NFATC1: variants seen among roughly 807,000 people sequenced by gnomAD.
NFATC1 encodes nuclear factor of activated T cells 1.
NFATC1 carries 22 observed loss-of-function variants against 76.0 expected under a neutral mutation model. The observed-to-expected ratio is 0.29, with a 90% CI of 0.21 to 0.41. The LOEUF (loss-of-function observed/expected upper bound fraction) is 0.41. Among genes scored for constraint, NFATC1 ranks in the 10% least tolerant of loss-of-function variants. NFATC1 has a pLI of 1.00. For missense variants in NFATC1, 1,357 were observed against 1,337.7 expected, an observed-to-expected ratio of 1.01 and a Z score of -0.23; for synonymous variants, 704 against 613.1, an observed-to-expected ratio of 1.15 and a Z score of -2.19.
intron 7 of NFATC1, among the ~76,000 whole-genome samples, chr18:79,466,831 T>C (rs749073831): frequency 1.3e-5 from 2 of 152,158 alleles, no homozygotes; most frequent in Non-Finnish European, 2.9e-5. Flanking sequence ...CACCTGCTCC[T>C]CTGGGTTTCG....
At chr18:79,437,659 G>A (rs2086829238) in intron 3 of NFATC1, among the ~76,000 whole-genome samples, 1 of 152,206 alleles carries the variant, frequency 6.6e-6, no homozygotes, top group Non-Finnish European at 1.5e-5. Context: ...CCTGATGGTG[G>A]CACCTCGGGC....
intron 5 of NFATC1, 64 bp downstream of exon 5, chr18:79,451,190 C>T (rs1208766194): frequency 2.6e-6 from 4 of 1,535,862 alleles, no homozygotes; most frequent in South Asian, 1.2e-5. Flanking sequence ...TTCACTGTCT[C>T]ACCCGCTCTC....
Position 79,396,169 on chromosome 18 carries a change from C to A in NFATC1, c.-56C>A, listed in dbSNP as rs2084995615. 2.2e-6 allele frequency: 3 copies of A among 1,395,052 alleles called. No individual in the cohort carries two copies. The South Asian group carries it at 4.2e-5, about 20-fold the overall frequency. The allele number at this position is 1,395,052 out of a possible 1,614,324, so 86.4% of individuals were successfully genotyped here. The stretch of plus-strand genomic sequence containing the variant: ...GAGACCCGACCCCGGCAGCGCGGGG[C>A]GGCCGCTTCTCCTGTGCCTCCGCCC... On this transcript the variant is annotated 5_prime_UTR_variant, in exon 1 of 10. Coordinates refer to ENST00000427363, the MANE Select transcript of NFATC1 (RefSeq NM_001278669.2).
intron 8 of NFATC1, chr18:79,470,787 G>C (rs1047337410): frequency 6.6e-6 from 1 of 152,324 alleles, no homozygotes; most frequent in Non-Finnish European, 1.5e-5. Flanking sequence ...TCAGAAGGTC[G>C]CAGTGGTCGG....
intron 1 of NFATC1, among the ~76,000 whole-genome samples, chr18:79,406,025 T>C (rs1043888842): frequency 2.0e-5 from 3 of 152,112 alleles, no homozygotes; most frequent in African/African-American, 4.8e-5. Flanking sequence ...TCCTGCCCCG[T>C]TTCATCTAGA....
Position 79,486,834 on chromosome 18 carries a change from G to A in NFATC1, c.2679G>A (p.Arg893=). The change falls in exon 9 of 10, where the codon CGG becomes CGA. Residue 893 remains arginine (R), a synonymous_variant. Coordinates refer to ENST00000427363, the MANE Select transcript of NFATC1 (RefSeq NM_001278669.2). The part of the protein sequence containing the change: ...RRDESPTAGP[R]LLPEVHEDGS... ...ACGAGTCTCCGACTGCCGGGCCACG[G>A]CTGCTGCCAGAGGTGCATGAGGACG... The A allele has an allele frequency of 6.2e-7, 1 of 1,611,912 alleles. No homozygotes were observed. The highest frequency in any genetic ancestry group is 8.5e-7 in the Non-Finnish European group (1 of 1,179,538).
rs1331923167 is a variant in NFATC1 at position 79,482,218 on chromosome 18, G to A, written c.2093-4030G>A. Among the ~76,000 whole-genome samples the A allele has an allele frequency of 2.1e-5, 3 of 144,736 alleles. No homozygotes were observed. In the East Asian group the frequency reaches 6.4e-4, roughly 31 times the overall value. The allele number at this position is 144,736 out of a possible 152,430, so 95.0% of individuals were successfully genotyped here. ...ACCTGGTTCCTGGGGTGTAATTCCA[G>A]CGTGACCTGCTCCTGAGGTGTCACT... is the stretch of plus-strand genomic sequence containing the variant. On this transcript the variant is annotated intron_variant, in intron 8 of 9. Transcript: ENST00000427363.
intron 2 of NFATC1, among the ~76,000 whole-genome samples, chr18:79,431,396 G>A (rs957504927): frequency 4.6e-5 from 7 of 151,988 alleles, no homozygotes; most frequent in African/African-American, 1.4e-4. Flanking sequence ...TTGCCCTGTC[G>A]CCCAGGCTGA....
chr18:79,408,917 CCATT>C (rs895579406), intron 1 of NFATC1, among the ~76,000 whole-genome samples: 1 of 146,606 alleles, frequency 6.8e-6, no homozygotes, highest in African/African-American at 2.5e-5. Flanking sequence ...CATCATCCAT[CCATT>C]ATTCCTCCAT....
chr18:79,413,389 T>C (rs953771380), intron 2 of NFATC1, among the ~76,000 whole-genome samples: 1 of 152,242 alleles, frequency 6.6e-6, no homozygotes, highest in Non-Finnish European at 1.5e-5. Flanking sequence ...GCTGTTCTTT[T>C]GGAGGCTGTG....
At chr18:79,400,373 G>GGCCCCA (rs928871597) in intron 1 of NFATC1, 1 of 1,439,270 alleles carries the variant, frequency 6.9e-7, no homozygotes, top group Non-Finnish European at 9.2e-7. Context: ...CTCCCGCCCC[G>GGCCCCA]GCCCCGGCCC....
intron 6 of NFATC1, among the ~76,000 whole-genome samples, chr18:79,460,780 C>T (rs772686826): frequency 6.6e-5 from 10 of 152,198 alleles, no homozygotes; most frequent in East Asian, 1.9e-4. Context: ...GTGGAGCCCC[C>T]GGCCCCCCGT....
At chr18:79,411,536 AG>A in intron 2 of NFATC1, 35 bp downstream of exon 2, 2 of 1,262,002 alleles carry the variant, frequency 1.6e-6, no homozygotes. Flanking sequence ...CGGGGAGGCG[AG>A]GGGAGGCGCG....
At chr18:79,413,138 G>A (rs1023014142) in intron 2 of NFATC1, among the ~76,000 whole-genome samples, 4 of 152,202 alleles carry the variant, frequency 2.6e-5, no homozygotes, top group Admixed American at 1.3e-4. Flanking sequence ...CTTACGGACG[G>A]TGACAAAGTC....
intron 2 of NFATC1, among the ~76,000 whole-genome samples, chr18:79,415,215 G>A (rs989075316): frequency 2.0e-5 from 3 of 152,210 alleles, no homozygotes; most frequent in African/African-American, 7.2e-5. Flanking sequence ...TGGAAAGGCG[G>A]AGGTATTTTG....
In NFATC1 at chr18:79,464,682, GTATA is replaced by G. The variant is rs749147876; in HGVS notation, c.1960-2758_1960-2755del. 5.0e-5 allele frequency among the ~76,000 whole-genome samples: 5 copies of G among 100,804 alleles called. 1 individual carries two copies. Among genetic ancestry groups the G allele is most frequent in the Non-Finnish European group, 7.9e-5 (4 of 50,594 alleles). The allele number at this position is 100,804 out of a possible 152,430, so 66.1% of individuals were successfully genotyped here. Reference sequence around the variant, plus strand: ...TGTGTGTGTGTGTGTATATGTATGTGTATATATATATATTTATTTATTTATTTAT... The same window carrying G: ...TGTGTGTGTGTGTGTATATGTATGTGTATATATATTTATTTATTTATTTAT... On this transcript the variant is annotated intron_variant, in intron 7 of 9. Coordinates refer to ENST00000427363, the MANE Select transcript of NFATC1 (RefSeq NM_001278669.2).
At chr18:79,413,087 C>T (rs932433362) in intron 2 of NFATC1, among the ~76,000 whole-genome samples, 4 of 152,332 alleles carry the variant, frequency 2.6e-5, no homozygotes, top group Admixed American at 6.5e-5. Context: ...CACTGACTCT[C>T]CAGCCCACAG....
At chr18:79,439,768 A>G (rs1444025007) in intron 3 of NFATC1, among the ~76,000 whole-genome samples, 1 of 152,074 alleles carries the variant, frequency 6.6e-6, no homozygotes, top group Non-Finnish European at 1.5e-5. Context: ...AGGATTCACC[A>G]TTTATTTCTC....
chr18:79,446,575 C>T (rs930603044), intron 3 of NFATC1, among the ~76,000 whole-genome samples: 7 of 152,146 alleles, frequency 4.6e-5, no homozygotes, highest in Non-Finnish European at 8.8e-5. Flanking sequence ...TAAGGTATCT[C>T]GGGAAGTTCA....
Sources: allele counts gnomAD v4.1 joint callset (sites outside exome capture counted in the v4.1 genomes callset), GRCh38; gene constraint gnomAD v4.1.1; transcripts MANE v1.5; gene names NCBI Gene and HGNC (gene_info 2026-07-23, HGNC 2026-07-21).